TLN1: variants seen among roughly 807,000 people sequenced by gnomAD.
TLN1 encodes talin-1.
A neutral mutation model predicts 292.3 loss-of-function variants in TLN1; 56 were observed. The ratio of observed to expected loss-of-function variants is 0.19; its 90% CI spans 0.15 to 0.24. The LOEUF is 0.24. Among genes scored for constraint, TLN1 ranks in the 10% least tolerant of loss-of-function variants. The probability of loss-of-function intolerance (pLI) is 1.00; values close to 1 mark genes in which losing one functional copy is unlikely to be tolerated. For synonymous variants in TLN1, 1,119 were observed against 1,253.7 expected, an observed-to-expected ratio of 0.89 and a Z score of 2.27; for missense variants, 2,433 against 3,248.2, an observed-to-expected ratio of 0.75 and a Z score of 6.10.
Position 35,724,151 on chromosome 9 carries a change from C to T in TLN1, c.654+41G>A. On this transcript the variant is annotated intron_variant, in intron 6 of 56. Transcript: ENST00000314888. The surrounding 1 kb of genome is among the most constrained non-coding windows in gnomAD (Gnocchi z 4.7). ...GACACGCACACTGTGCTTCCGAGCCCTCCCTATTCCTGCCCCACCCCAGCC... is the reference window on the plus strand; with the variant it reads ...GACACGCACACTGTGCTTCCGAGCCTTCCCTATTCCTGCCCCACCCCAGCC... 1 of 1,613,766 alleles carries T rather than the reference C, an allele frequency of 6.2e-7. No individual in the cohort carries two copies.
intron 11 of TLN1, 28 bp downstream of exon 11, chr9:35,720,784 G>A (rs756679612): frequency 5.6e-6 from 9 of 1,602,264 alleles, no homozygotes; most frequent in Non-Finnish European, 7.7e-6. Context: ...GAGGCGATAA[G>A]GAGAAGGCTA....
Position 35,724,110 on chromosome 9 carries a change from T to C in TLN1, c.655-31A>G. 1 of 1,612,658 alleles carries C rather than the reference T, an allele frequency of 6.2e-7. No homozygotes were observed. Among genetic ancestry groups the C allele is most frequent in the Non-Finnish European group, 8.5e-7 (1 of 1,178,758 alleles). On this transcript the variant is annotated intron_variant, in intron 6 of 56. Transcript: ENST00000314888. The surrounding 1 kb of genome is among the most constrained non-coding windows in gnomAD (Gnocchi z 4.7). ...GAGCACAGGGCAAGGAGGCGAATGT[T>C]GTGTGTGGGTGCAAGGACACGCACA...
Position 35,714,238 on chromosome 9 carries a change from C to A in TLN1, c.3120+1G>T. ...TCCAAAGCCAGAACCAGCTTCCATA[C>A]CTTCTGGGCAGCCGTCCGGAGTTCA... is the stretch of plus-strand genomic sequence containing the variant. On this transcript the variant is annotated splice_donor_variant, in intron 24 of 56. Coordinates refer to ENST00000314888, the MANE Select transcript of TLN1 (RefSeq NM_006289.4). LOFTEE classifies it high-confidence loss of function. This position sits in a 1 kb window ranked among gnomAD's most constrained non-coding sequence, Gnocchi z 4.6. 6.2e-7 allele frequency: 1 copy of A among 1,606,780 alleles called. No homozygotes were observed. Among genetic ancestry groups the A allele is most frequent in the Non-Finnish European group, 8.5e-7 (1 of 1,174,952 alleles).
Position 35,700,037 on chromosome 9 carries a change from T to A in TLN1, c.6705A>T (p.Arg2235=). 2 of 1,613,380 alleles carry A rather than the reference T, an allele frequency of 1.2e-6. No individual in the cohort carries two copies. Among genetic ancestry groups the A allele is most frequent in the Non-Finnish European group, 1.7e-6 (2 of 1,179,560 alleles). The change falls in exon 50 of 57, where the codon CGA becomes CGT. Residue 2235 remains arginine, a synonymous_variant. Coordinates refer to ENST00000314888, the MANE Select transcript of TLN1 (RefSeq NM_006289.4). ...CACACTCCCGGCCATAGTGCAGGGC[T>A]CGAAGCCGCACATCAGGGGCCACTT... The part of the protein sequence containing the change: ...HPEVAPDVRL[R]ALHYGRECAN...
Position 35,703,587 on chromosome 9 carries a change from G to T in TLN1, c.6447C>A (p.Thr2149=). ...CCAGCTCCTGCCGTATGTGTTCTGT[G>T]GTTGCCTCCAGGGCCCGAGTGCCTT... ...ATKGTRALEA[T]TEHIRQELAV... is the part of the protein sequence containing the mutation. Residue 2149 remains threonine (T), a synonymous_variant, in exon 48 of 57, where the codon ACC becomes ACA. Transcript: ENST00000314888. 1 of 1,614,174 alleles carries T rather than the reference G, an allele frequency of 6.2e-7. No homozygotes were observed. The highest frequency in any genetic ancestry group is 1.3e-5 in the African/African-American group (1 of 75,034).
intron 26 of TLN1, 51 bp downstream of exon 26, chr9:35,713,145 T>C (rs894226533): frequency 3.1e-5 from 49 of 1,578,496 alleles, no homozygotes; most frequent in Non-Finnish European, 4.1e-5. Flanking sequence ...CAGCTCCCAT[T>C]TTCCTACCTC....
chr9:35,725,802 G>T, intron 1 of TLN1, 75 bp from the exon 2 acceptor site: 1 of 1,395,428 alleles, frequency 7.2e-7, no homozygotes, highest in Non-Finnish European at 9.8e-7. Flanking sequence ...TGGAGTCCAA[G>T]GGAAGAGTGT....
chr9:35,723,096 GTAAAC>G lies in TLN1; in HGVS notation c.783-180_783-176del, dbSNP rs1436864337. On this transcript the variant is annotated intron_variant, in intron 7 of 56. Transcript: ENST00000314888. ...TCTTCTGAAATAGAGGTGACTTCGT[GTAAAC>G]TCTTCTTTTTTTTTTTTGAGATGGA... The G allele has an allele frequency of 3.3e-5, 17 of 515,726 alleles. No individual in the cohort carries two copies. In the East Asian group the frequency reaches 5.8e-4, roughly 18 times the overall value. The allele number at this position is 515,726 out of a possible 1,614,324, so 31.9% of individuals were successfully genotyped here. A position where few individuals can be genotyped will look rare whatever the true frequency, so the allele number is the denominator to read the frequency against.
chr9:35,722,991 G>A, intron 7 of TLN1, 70 bp from the exon 8 acceptor site: 2 of 1,395,818 alleles, frequency 1.4e-6, no homozygotes, highest in South Asian at 1.2e-5. Context: ...TGAACTGTGG[G>A]CCTGGGGGTA....
At position 35,710,612 on chromosome 9, in the gene TLN1, G is replaced by A; in HGVS notation, c.4275C>T (p.Ala1425=). 6.2e-7 allele frequency: 1 copy of A among 1,614,160 alleles called. No homozygotes were observed. Among genetic ancestry groups the A allele is most frequent in the Non-Finnish European group, 8.5e-7 (1 of 1,180,042 alleles). The stretch of plus-strand genomic sequence containing the variant: ...AAAGTGCCTTTGAGGCTGTGGAAAT[G>A]GCATCTCCAAACTCTGGCAGGTTTC... ...KNGNLPEFGD[A]ISTASKALCG... is the part of the protein sequence containing the mutation. Residue 1425 remains alanine (A), a synonymous_variant, in exon 33 of 57, where the codon GCC becomes GCT. Transcript: ENST00000314888.
Position 35,698,386 on chromosome 9 carries a change from G to C in TLN1, c.7308C>G (p.Ala2436=), listed in dbSNP as rs752082270. The change falls in exon 55 of 57, where the codon GCC becomes GCG. Residue 2436 remains alanine, a synonymous_variant. Transcript: ENST00000314888. This position sits in a 1 kb window ranked among gnomAD's most constrained non-coding sequence, Gnocchi z 5.3. The part of the protein sequence containing the change: ...SSAKQVAAST[A]QLLVACKVKA... ...TGACCTTGCAGGCCACAAGGAGCTG[G>C]GCTGTGGAGGCAGCTACCTGCTTGG... 1.2e-6 allele frequency: 2 copies of C among 1,614,088 alleles called. No individual in the cohort carries two copies. Among genetic ancestry groups the C allele is most frequent in the Admixed American group, 3.3e-5 (2 of 60,012 alleles).
rs769092885 is a variant in TLN1 at position 35,705,970 on chromosome 9, T to C, written c.5503A>G (p.Ile1835Val). 2 of 1,614,192 alleles carry C rather than the reference T, an allele frequency of 1.2e-6. No homozygotes were observed. The highest frequency in any genetic ancestry group is 1.7e-6 in the Non-Finnish European group (2 of 1,180,018). ...GGMVDSITQAINQLDEGPMGE... is the reference protein window; with the variant it reads ...GGMVDSITQAVNQLDEGPMGE... ...CACCCCAAGACTCTAACCTGGTTGATGGCCTGGGTGATGGAGTCCACCATG... is the reference window on the plus strand; with the variant it reads ...CACCCCAAGACTCTAACCTGGTTGACGGCCTGGGTGATGGAGTCCACCATG... The change falls in exon 41 of 57, where the codon ATC becomes GTC. Residue 1835 changes from isoleucine (I) to valine (V), a missense_variant. Coordinates refer to ENST00000314888, the MANE Select transcript of TLN1 (RefSeq NM_006289.4).
chr9:35,714,251 C>T lies in TLN1; in HGVS notation c.3108G>A (p.Thr1036=), dbSNP rs376495117. The stretch of plus-strand genomic sequence containing the variant: ...CCAGCTTCCATACCTTCTGGGCAGC[C>T]GTCCGGAGTTCAGCCAGCGCGGTGC... ...NLGTALAELR[T]AAQKAQEACG... Residue 1036 remains threonine, a synonymous_variant, in exon 24 of 57, where the codon ACG becomes ACA. Coordinates refer to ENST00000314888, the MANE Select transcript of TLN1 (RefSeq NM_006289.4). This position sits in a 1 kb window ranked among gnomAD's most constrained non-coding sequence, Gnocchi z 4.6. The T allele has an allele frequency of 1.7e-5, 28 of 1,610,290 alleles. No individual in the cohort carries two copies. Among genetic ancestry groups the T allele is most frequent in the African/African-American group, 1.2e-4 (9 of 74,864 alleles).
At chr9:35,713,365 T>C in intron 25 of TLN1, 67 bp from the exon 26 acceptor site, 4 of 1,313,006 alleles carry the variant, frequency 3.0e-6, no homozygotes, top group Non-Finnish European at 4.2e-6. Flanking sequence ...CCTGAGAAGG[T>C]ACTTGGGGAC....
chr9:35,725,192 G>T, intron 3 of TLN1, 32 bp downstream of exon 3: 1 of 1,607,450 alleles, frequency 6.2e-7, no homozygotes, highest in Non-Finnish European at 8.5e-7. Flanking sequence ...GATGGAAGGG[G>T]ATGTGGTGGT....
In TLN1 at chr9:35,698,364, C is replaced by T; in HGVS notation, c.7330G>A (p.Val2444Ile). The T allele has an allele frequency of 1.9e-6, 3 of 1,614,200 alleles. No individual in the cohort carries two copies. Among genetic ancestry groups the T allele is most frequent in the Non-Finnish European group, 2.5e-6 (3 of 1,180,050 alleles). The change falls in exon 55 of 57, where the codon GTC becomes ATC. Residue 2444 changes from valine (V) to isoleucine (I), a missense_variant. Physicochemically the swap from Val to Ile is conservative, Grantham distance 29. Transcript: ENST00000314888. This position sits in a 1 kb window ranked among gnomAD's most constrained non-coding sequence, Gnocchi z 5.3. ...STAQLLVACK[V>I]KADQDSEAMK... is the part of the protein sequence containing the mutation. ...GCCTCCGAGTCCTGGTCAGCCTTGA[C>T]CTTGCAGGCCACAAGGAGCTGGGCT...
chr9:35,711,577 C>A lies in TLN1; in HGVS notation c.3879+18G>T, dbSNP rs765981142. On this transcript the variant is annotated intron_variant, in intron 29 of 56. Transcript: ENST00000314888. ...CCTTAGTGGGAACCATTCAACCAGA[C>A]CCTCTGCCTCTTCATACCGGAGCCT... 1.2e-6 allele frequency: 2 copies of A among 1,613,276 alleles called. No individual in the cohort carries two copies. The highest frequency in any genetic ancestry group is 1.7e-6 in the Non-Finnish European group (2 of 1,180,038).
At position 35,706,840 on chromosome 9, in the gene TLN1, T is replaced by C. The variant is rs371166928; in HGVS notation, c.5016A>G (p.Leu1672=). The C allele has an allele frequency of 1.2e-5, 19 of 1,613,936 alleles. No individual in the cohort carries two copies. The highest frequency in any genetic ancestry group is 1.7e-5 in the Admixed American group (1 of 60,004). The change falls in exon 38 of 57, where the codon CTA becomes CTG. Residue 1672 remains leucine, a synonymous_variant. Transcript: ENST00000314888. This position sits in a 1 kb window ranked among gnomAD's most constrained non-coding sequence, Gnocchi z 4.2. ...CGAGGGAAGCCTGGTCTAGGTCCCG[T>C]AGACAACTGTTCAGAGCTGCAATGG... is the stretch of plus-strand genomic sequence containing the variant. ...ETAIAALNSC[L]RDLDQASLAA... is the part of the protein sequence containing the mutation.
At position 35,714,886 on chromosome 9, in the gene TLN1, C is replaced by CA. The variant is rs112502906; in HGVS notation, c.2755-11dup. On this transcript the variant is annotated splice_polypyrimidine_tract_variant and intron_variant, in intron 21 of 56. Transcript: ENST00000314888. The surrounding 1 kb of genome is among the most constrained non-coding windows in gnomAD (Gnocchi z 4.6). ...CCTGCTTGGCTGCATGCTGTGAAGA[C>CA]AAGAGTAGTCAGACCAAGCCCATGG... 5.8e-4 allele frequency: 912 copies of CA among 1,581,438 alleles called. 6 individuals are homozygous for CA. In the African/African-American group the frequency reaches 1.0e-2, roughly 17 times the overall value.
Sources: allele counts gnomAD v4.1 joint callset, GRCh38; gene constraint gnomAD v4.1.1; non-coding constraint Gnocchi (gnomAD v3.1); transcripts MANE v1.5; gene names NCBI Gene and HGNC (gene_info 2026-07-23, HGNC 2026-07-21).